The following C10orf90 variants were observed in gnomAD, a reference collection of about 807,000 sequenced individuals.
C10orf90 encodes chromosome 10 open reading frame 90.
C10orf90 carries 56 observed loss-of-function variants against 62.5 expected under a neutral mutation model. The ratio of observed to expected loss-of-function variants is 0.90; its 90% CI spans 0.72 to 1.12. C10orf90 has a LOEUF of 1.12. Ranked by LOEUF, C10orf90 falls within the 50% of genes most tolerant of loss-of-function variation. The pLI, the probability that C10orf90 is intolerant of heterozygous loss-of-function variation, is 0.00. For synonymous variants in C10orf90, 386 were observed against 340.4 expected (o/e 1.13, Z -1.47); for missense variants, 970 against 880.4 (o/e 1.10, Z -1.29).
At chr10:126,663,008 C>T (rs1846548918) in intron 1 of C10orf90, among the ~76,000 whole-genome samples, 1 of 152,216 alleles carries the variant, frequency 6.6e-6, no homozygotes. Context: ...CAGTTCCTGG[C>T]ACACAGTAGG....
At chr10:126,442,373 T>C (rs1308427946) in intron 7 of C10orf90, among the ~76,000 whole-genome samples, 1 of 148,946 alleles carries the variant, frequency 6.7e-6, no homozygotes, top group Non-Finnish European at 1.5e-5. Context: ...ATCCTATACA[T>C]ATATACATCT....
At chr10:126,505,115 A>C in intron 3 of C10orf90, 30 bp from the exon 4 acceptor site, 1 of 1,577,700 alleles carries the variant, frequency 6.3e-7, no homozygotes, top group Non-Finnish European at 8.6e-7. Context: ...CCGATTATTC[A>C]AGCAGTCTAT....
intron 2 of C10orf90, among the ~76,000 whole-genome samples, chr10:126,629,648 C>T (rs1185252865): frequency 6.6e-6 from 1 of 152,220 alleles, no homozygotes; most frequent in East Asian, 1.9e-4. Context: ...GTTAAACTAA[C>T]CAGGAAACCT....
At chr10:126,626,417 T>C (rs768229799) in intron 2 of C10orf90, among the ~76,000 whole-genome samples, 2 of 152,016 alleles carry the variant, frequency 1.3e-5, no homozygotes, top group African/African-American at 2.4e-5. Flanking sequence ...GCCTGGCTGG[T>C]GAATGCTGAG....
chr10:126,616,013 A>C (rs1319704458), intron 2 of C10orf90, among the ~76,000 whole-genome samples: 5 of 152,252 alleles, frequency 3.3e-5, no homozygotes, highest in Non-Finnish European at 7.3e-5. Context: ...TGTCCCCTGC[A>C]ATGGCTAGAA....
chr10:126,478,885 A>G (rs1383279601), intron 4 of C10orf90, among the ~76,000 whole-genome samples: 6 of 152,206 alleles, frequency 3.9e-5, no homozygotes, highest in African/African-American at 1.4e-4. Flanking sequence ...TGAGATGCTC[A>G]GTGAACTTTA....
rs1042412356 is a variant in C10orf90, at chr10:126,453,477, G to A, written c.2188+5563C>T. Among the ~76,000 whole-genome samples, 2 of 148,290 alleles carry A rather than the reference G, an allele frequency of 1.3e-5. No individual in the cohort carries two copies. The highest frequency in any genetic ancestry group is 6.8e-5 in the Admixed American group (1 of 14,766). On this transcript the variant is annotated intron_variant, in intron 7 of 9. Transcript: ENST00000488181. This position sits in a 1 kb window ranked among gnomAD's most constrained non-coding sequence, Gnocchi z 4.9. ...GAGAAAGAAGGATGGGAATCAGGACGGCTTTGTAGAAGAAGGGGATGTTCC... is the reference window on the plus strand; with the variant it reads ...GAGAAAGAAGGATGGGAATCAGGACAGCTTTGTAGAAGAAGGGGATGTTCC...
chr10:126,611,297 A>T (rs1845428351), intron 2 of C10orf90, among the ~76,000 whole-genome samples: 1 of 152,212 alleles, frequency 6.6e-6, no homozygotes, highest in Non-Finnish European at 1.5e-5. Flanking sequence ...AATGTACTCA[A>T]GATTCATCCA....
intron 2 of C10orf90, among the ~76,000 whole-genome samples, chr10:126,528,663 C>T (rs115909111): frequency 0.013 from 1,916 of 152,312 alleles, 48 homozygotes; most frequent in African/African-American, 0.044. Context: ...AGTCACTTAC[C>T]TCCTCTTGGT....
At chr10:126,569,547 G>A (rs1017895571) in intron 2 of C10orf90, among the ~76,000 whole-genome samples, 1 of 152,168 alleles carries the variant, frequency 6.6e-6, no homozygotes, top group African/African-American at 2.4e-5. Flanking sequence ...CACAGTTGGG[G>A]TATAAACCAA....
At chr10:126,496,400 T>A (rs1406670142) in intron 4 of C10orf90, among the ~76,000 whole-genome samples, 2 of 152,200 alleles carry the variant, frequency 1.3e-5, no homozygotes, top group Non-Finnish European at 2.9e-5. Context: ...CACAATCTCA[T>A]CAAGACTTAT....
chr10:126,509,685 A>AG (rs1289651786), intron 3 of C10orf90, among the ~76,000 whole-genome samples: 1 of 152,184 alleles, frequency 6.6e-6, no homozygotes, highest in Non-Finnish European at 1.5e-5. Context: ...GCTTTGACAA[A>AG]AAGTCCCCAA....
chr10:126,426,337 G>A (rs542626057), intron 8 of C10orf90, among the ~76,000 whole-genome samples: 17 of 152,178 alleles, frequency 1.1e-4, no homozygotes, highest in Non-Finnish European at 2.1e-4. Context: ...GTCCCACCAG[G>A]GGCAAAGCTG....
chr10:126,470,025 T>A (rs1860490901), intron 4 of C10orf90: 2 of 456,386 alleles, frequency 4.4e-6, no homozygotes, highest in African/African-American at 2.0e-5. Flanking sequence ...GGGAAAGGCA[T>A]TCTTCTGCAG....
intron 2 of C10orf90, among the ~76,000 whole-genome samples, chr10:126,532,842 C>CAAAAAAAA (rs1269013268): frequency 0.01 from 126 of 12,098 alleles, 35 homozygotes; most frequent in African/African-American, 0.044. Flanking sequence ...GACTACGTCT[C>CAAAAAAAA]AAAAAAAAAA....
intron 2 of C10orf90, among the ~76,000 whole-genome samples, chr10:126,545,157 C>T (rs563568455): frequency 1.1e-4 from 16 of 152,270 alleles, no homozygotes; most frequent in East Asian, 1.9e-4. Context: ...ATCTCTGTTT[C>T]GTAATCATAC....
intron 3 of C10orf90, among the ~76,000 whole-genome samples, chr10:126,506,273 A>G (rs1862725716): frequency 6.6e-6 from 1 of 152,238 alleles, no homozygotes. Flanking sequence ...ATTTGTTTCT[A>G]TTATGGTTAT....
At chr10:126,561,765 T>C (rs779804843) in intron 2 of C10orf90, among the ~76,000 whole-genome samples, 3 of 152,066 alleles carry the variant, frequency 2.0e-5, no homozygotes, top group Non-Finnish European at 4.4e-5. Context: ...TGGACAGTTG[T>C]GTGCCTGACA....
intron 4 of C10orf90, among the ~76,000 whole-genome samples, chr10:126,477,413 C>G (rs1860948859): frequency 6.6e-6 from 1 of 152,106 alleles, no homozygotes; most frequent in Non-Finnish European, 1.5e-5. Flanking sequence ...GATAGGCCTG[C>G]CACGTTTCAC....
Sources: gnomAD v4.1 joint callset for allele counts (sites outside exome capture counted in the v4.1 genomes callset) on GRCh38, gnomAD v4.1.1 for gene constraint, Gnocchi (gnomAD v3.1) non-coding constraint, MANE v1.5 for transcripts, NCBI Gene and HGNC (gene_info 2026-07-23, HGNC 2026-07-21) for gene names.